TGFBRAP1: variants seen among roughly 807,000 people sequenced by gnomAD.
TGFBRAP1 encodes transforming growth factor beta receptor associated protein 1.
A neutral mutation model predicts 83.2 loss-of-function variants in TGFBRAP1; 20 were observed. The observed-to-expected ratio is 0.24, with a 90% CI of 0.17 to 0.35. TGFBRAP1 has a LOEUF of 0.35. Ranked by LOEUF, TGFBRAP1 falls within the 10% of genes least tolerant of loss-of-function variation. The pLI, the probability that TGFBRAP1 is intolerant of heterozygous loss-of-function variation, is 1.00. For missense variants in TGFBRAP1, 950 were observed against 1,099.4 expected, an observed-to-expected ratio of 0.86 and a Z score of 1.92; for synonymous variants, 415 against 459.8, an observed-to-expected ratio of 0.90 and a Z score of 1.25.
At chr2:105,251,422 C>A in the TGFBRAP1 span, among the ~76,000 whole-genome samples, 1 of 151,964 alleles carries the variant, frequency 6.6e-6, no homozygotes, top group South Asian at 2.1e-4. Context: ...CCTGCCGCCC[C>A]GTCTGGGAGG....
the TGFBRAP1 span, among the ~76,000 whole-genome samples, chr2:105,259,292 G>T: frequency 2.0e-5 from 3 of 152,188 alleles, no homozygotes; most frequent in Non-Finnish European, 2.9e-5. Flanking sequence ...CTGATACACA[G>T]GGAGAAGTGA....
chr2:105,276,086 C>G (rs970277482), intron 7 of TGFBRAP1, among the ~76,000 whole-genome samples: 4 of 152,168 alleles, frequency 2.6e-5, no homozygotes, highest in Non-Finnish European at 5.9e-5. Flanking sequence ...ATCAGCCAGG[C>G]TCTGTTTCCA....
intron 2 of TGFBRAP1, among the ~76,000 whole-genome samples, chr2:105,300,938 T>C (rs943870912): frequency 1.3e-5 from 2 of 152,098 alleles, no homozygotes; most frequent in Admixed American, 1.3e-4. Context: ...AAAGATAAAA[T>C]TGAGGTTGGC....
the TGFBRAP1 span, among the ~76,000 whole-genome samples, chr2:105,251,530 G>GC: frequency 2.0e-5 from 3 of 149,868 alleles, no homozygotes; most frequent in Admixed American, 1.3e-4. Flanking sequence ...GGGGGGATCA[G>GC]CCCCCCGCCT....
chr2:105,260,557 T>C (rs1260012175), downstream of TGFBRAP1, among the ~76,000 whole-genome samples: 2 of 152,044 alleles, frequency 1.3e-5, no homozygotes, highest in African/African-American at 2.4e-5. Context: ...CTCATAGAGA[T>C]AGAAAGTAGA....
chr2:105,322,912 CGGATGGGG>C, intron 1 of TGFBRAP1, among the ~76,000 whole-genome samples: 1 of 151,932 alleles, frequency 6.6e-6, no homozygotes, highest in East Asian at 1.9e-4. Flanking sequence ...GCCTTTGAGA[CGGATGGGG>C]GGCAGACAGA....
At chr2:105,311,349 G>A (rs1008966928) in intron 1 of TGFBRAP1, among the ~76,000 whole-genome samples, 5 of 152,066 alleles carry the variant, frequency 3.3e-5, no homozygotes, top group African/African-American at 1.2e-4. Context: ...GAATTACATG[G>A]AGGTAAATGA....
At chr2:105,305,000 ACT>A (rs1355701135) in intron 2 of TGFBRAP1, among the ~76,000 whole-genome samples, 1 of 152,154 alleles carries the variant, frequency 6.6e-6, no homozygotes, top group Non-Finnish European at 1.5e-5. Flanking sequence ...TATGAATGAC[ACT>A]ACAATGGCGG....
At chr2:105,316,462 T>TGTGTGTGCGCGC (rs1177329674) in intron 1 of TGFBRAP1, among the ~76,000 whole-genome samples, 60 of 84,810 alleles carry the variant, frequency 7.1e-4, no homozygotes, top group African/African-American at 1.2e-3. Context: ...TGTGTGTGTG[T>TGTGTGTGCGCGC]GCGCGCGCGC....
chr2:105,322,205 T>C (rs955515520), intron 1 of TGFBRAP1, among the ~76,000 whole-genome samples: 23 of 152,118 alleles, frequency 1.5e-4, no homozygotes, highest in Admixed American at 3.3e-4. Flanking sequence ...AAAAAACTTA[T>C]AGAATAAGCA....
intron 1 of TGFBRAP1, among the ~76,000 whole-genome samples, chr2:105,321,008 C>T (rs1679040705): frequency 6.6e-6 from 1 of 152,188 alleles, no homozygotes; most frequent in Admixed American, 6.5e-5. Flanking sequence ...AGGGCAGCCT[C>T]AGAATGGGCT....
In TGFBRAP1 at chr2:105,307,608, C is replaced by A. The variant is rs868669385; in HGVS notation, c.688+6G>T. ...AAGATCAGGCGCACAAATGCATCCT[C>A]CTCACCCAGCCCTCCGGGGCCCGCC... On this transcript the variant is annotated splice_donor_region_variant and intron_variant, in intron 2 of 11. Coordinates refer to ENST00000393359, the MANE Select transcript of TGFBRAP1 (RefSeq NM_004257.6). 6.2e-7 allele frequency: 1 copy of A among 1,601,468 alleles called. No homozygotes were observed.
intron 1 of TGFBRAP1, among the ~76,000 whole-genome samples, chr2:105,317,993 A>G (rs1396259018): frequency 1.3e-5 from 2 of 152,192 alleles, no homozygotes; most frequent in East Asian, 3.8e-4. Context: ...TGTTCCTAAG[A>G]ACACAGCACA....
chr2:105,305,727 C>CA (rs1558648048), intron 2 of TGFBRAP1, among the ~76,000 whole-genome samples: 1 of 151,640 alleles, frequency 6.6e-6, no homozygotes, highest in East Asian at 1.9e-4. Context: ...TGCAGTGGCA[C>CA]GATCTCAGCT....
At chr2:105,315,887 T>TATAAG (rs1678839275) in intron 1 of TGFBRAP1, among the ~76,000 whole-genome samples, 1 of 152,208 alleles carries the variant, frequency 6.6e-6, no homozygotes, top group South Asian at 2.1e-4. Context: ...AAAAGACCTG[T>TATAAG]ATAAGATATG....
At chr2:105,311,823 C>T (rs1330547404) in intron 1 of TGFBRAP1, among the ~76,000 whole-genome samples, 1 of 151,628 alleles carries the variant, frequency 6.6e-6, no homozygotes, top group South Asian at 2.1e-4. Context: ...GCAGGAGAAT[C>T]GCTTGAACTG....
At chr2:105,317,682 C>T (rs940731589) in intron 1 of TGFBRAP1, among the ~76,000 whole-genome samples, 1 of 152,050 alleles carries the variant, frequency 6.6e-6, no homozygotes, top group Admixed American at 6.6e-5. Context: ...CTTCAAAAGA[C>T]ACCATGAAGA....
At chr2:105,281,555 G>A (rs1677538976) in intron 5 of TGFBRAP1, among the ~76,000 whole-genome samples, 3 of 152,172 alleles carry the variant, frequency 2.0e-5, no homozygotes, top group Non-Finnish European at 2.9e-5. Flanking sequence ...ACCTCTGGCT[G>A]CCCTTCCTTC....
At position 105,265,196 on chromosome 2, in the gene TGFBRAP1, C is replaced by A. The variant is rs569455211; in HGVS notation, c.*2187G>T. ...ATAAAAATGACTAGTGTTGGCTGGGCGCAGTGGCTCACGCCTGTAATCCCA... is the reference window on the plus strand; with the variant it reads ...ATAAAAATGACTAGTGTTGGCTGGGAGCAGTGGCTCACGCCTGTAATCCCA... On this transcript the variant is annotated 3_prime_UTR_variant, in exon 12 of 12. Transcript: ENST00000393359. The A allele has an allele frequency of 6.6e-6, 1 of 152,194 alleles. No individual in the cohort carries two copies. The allele number at this position is 152,194 out of a possible 1,614,324, so 9.4% of individuals were successfully genotyped here.
Sources: allele counts gnomAD v4.1 joint callset (sites outside exome capture counted in the v4.1 genomes callset), GRCh38; gene constraint gnomAD v4.1.1; transcripts MANE v1.5; gene names NCBI Gene and HGNC (gene_info 2026-07-23, HGNC 2026-07-21).